Variants in DAPK1 observed in about 807,000 individuals in gnomAD.
DAPK1 encodes the protein death associated protein kinase 1.
A neutral mutation model predicts 144.9 loss-of-function variants in DAPK1; 56 were observed. The ratio of observed to expected loss-of-function variants is 0.39; its 90% confidence interval spans 0.31 to 0.48. The LOEUF (loss-of-function observed/expected upper bound fraction) is 0.48. Among genes scored for constraint, DAPK1 ranks in the 20% least tolerant of loss-of-function variants. DAPK1 has a pLI of 0.95. For missense variants in DAPK1, 1,454 were observed against 1,875.4 expected (o/e 0.78, Z 4.15); for synonymous variants, 690 against 749.0 (o/e 0.92, Z 1.29).
At chr9:87,532,558 T>G (rs1825733264) in intron 2 of DAPK1, among the ~76,000 whole-genome samples, 1 of 152,232 alleles carries the variant, frequency 6.6e-6, no homozygotes, top group Non-Finnish European at 1.5e-5. Flanking sequence ...TAAAATGTAT[T>G]CATTTCATGT....
chr9:87,600,408 G>A (rs7045942), intron 2 of DAPK1, among the ~76,000 whole-genome samples: 2,112 of 152,210 alleles, frequency 0.014, 57 homozygotes, highest in African/African-American at 0.047. Context: ...GCAACAGAGC[G>A]AGACTCTATC....
intron 3 of DAPK1, chr9:87,632,955 A>G (rs1400536999): frequency 1.0e-6 from 1 of 966,444 alleles, no homozygotes; most frequent in African/African-American, 1.8e-5. Context: ...CGTAGGGATG[A>G]AGGAGGATGA....
In DAPK1 at chr9:87,697,128, C is replaced by T. The variant is rs1259923246; in HGVS notation, c.2535C>T (p.Pro845=). The change falls in exon 22 of 26, where the codon CCC becomes CCT. Residue 845 remains proline (P), a synonymous_variant. Transcript: ENST00000408954. ...IHVVVFSLEE[P]YEIQLNQVIF... is the part of the protein sequence containing the mutation. ...TTGTTGTCTTTAGTCTAGAAGAGCC[C>T]TATGAGATCCAGCTGAACCAAGTGA... 3 of 1,569,562 alleles carry T rather than the reference C, an allele frequency of 1.9e-6. No individual in the cohort carries two copies. The highest frequency in any genetic ancestry group is 3.3e-5 in the Admixed American group (2 of 59,956).
Position 87,686,920 on chromosome 9 carries a change from A to G in DAPK1, c.2413+181A>G. On this transcript the variant is annotated intron_variant, in intron 21 of 25. Coordinates refer to ENST00000408954, the MANE Select transcript of DAPK1 (RefSeq NM_004938.4). The surrounding 1 kb of genome is among the most constrained non-coding windows in gnomAD (Gnocchi z 4.2). ...GCTGGCTACCATCCCTAAACAGTGA[A>G]ATTAAACACTGGGGTATTGTCAGCG... is the stretch of plus-strand genomic sequence containing the variant. 1.1e-6 allele frequency: 1 copy of G among 915,180 alleles called. No homozygotes were observed. Among genetic ancestry groups the G allele is most frequent in the Non-Finnish European group, 1.3e-6 (1 of 765,806 alleles). 56.7% of individuals were successfully genotyped at this position (915,180 alleles called of 1,614,324 possible).
At chr9:87,580,250 A>AT (rs1827704758) in intron 2 of DAPK1, among the ~76,000 whole-genome samples, 1 of 152,080 alleles carries the variant, frequency 6.6e-6, no homozygotes, top group Non-Finnish European at 1.5e-5. Context: ...TTCAGTTCCT[A>AT]TTTTTAAAAA....
intron 1 of DAPK1, 33 bp from the exon 2 acceptor site, chr9:87,498,937 C>G (rs1824292113): frequency 1.6e-6 from 1 of 631,096 alleles, no homozygotes; most frequent in African/African-American, 1.8e-5. Context: ...TGCCATTTTA[C>G]TATTATTATT....
intron 9 of DAPK1, 80 bp downstream of exon 9, chr9:87,640,927 G>C: frequency 3.0e-6 from 4 of 1,350,986 alleles, no homozygotes; most frequent in Non-Finnish European, 4.3e-6. Context: ...GTATCATAGA[G>C]TACTGCTAAC....
At chr9:87,528,871 CAAAA>C (rs34492541) in intron 2 of DAPK1, among the ~76,000 whole-genome samples, 2 of 104,910 alleles carry the variant, frequency 1.9e-5, no homozygotes, top group Admixed American at 2.1e-4. Flanking sequence ...GACTCCATCT[CAAAA>C]AAAAAAAAAA....
chr9:87,573,727 C>G (rs141125417), intron 2 of DAPK1, among the ~76,000 whole-genome samples: 1 of 152,166 alleles, frequency 6.6e-6, no homozygotes, highest in African/African-American at 2.4e-5. Context: ...TCCAATACTC[C>G]AAGTGTCCAG....
chr9:87,676,090 A>G (rs1396472925), intron 19 of DAPK1, among the ~76,000 whole-genome samples: 1 of 152,142 alleles, frequency 6.6e-6, no homozygotes, highest in East Asian at 1.9e-4. Context: ...AGCACTTCAA[A>G]CCATGAGCCA....
In DAPK1 at chr9:87,499,171, G is replaced by A; in HGVS notation, c.62+32G>A. On this transcript the variant is annotated intron_variant, in intron 2 of 25. Transcript: ENST00000408954. ...GGGGTACCAGAAGCGTACCCTCCTG[G>A]ATTGTGGAAATGCATAACGATGGGG... The A allele has an allele frequency of 1.3e-6, 2 of 1,588,398 alleles. 1 individual carries two copies. Among genetic ancestry groups the A allele is most frequent in the South Asian group, 2.2e-5 (2 of 90,596 alleles).
At chr9:87,675,681 T>C (rs1564064290) in intron 19 of DAPK1, among the ~76,000 whole-genome samples, 1 of 151,812 alleles carries the variant, frequency 6.6e-6, no homozygotes, top group African/African-American at 2.4e-5. Flanking sequence ...AGGGACCTGA[T>C]AGGAGGTGAT....
chr9:87,589,385 T>C (rs1828048130), intron 2 of DAPK1, among the ~76,000 whole-genome samples: 1 of 152,086 alleles, frequency 6.6e-6, no homozygotes, highest in East Asian at 1.9e-4. Flanking sequence ...TGTCCTCCCT[T>C]GACTGTCATG....
intron 18 of DAPK1, among the ~76,000 whole-genome samples, chr9:87,659,467 G>T (rs1383392170): frequency 2.0e-5 from 3 of 152,180 alleles, no homozygotes; most frequent in Non-Finnish European, 4.4e-5. Flanking sequence ...TCAAGACGAA[G>T]AAATATTTTT....
At chr9:87,633,075 A>G (rs771790192) in intron 3 of DAPK1, 56 of 975,802 alleles carry the variant, frequency 5.7e-5, no homozygotes, top group Non-Finnish European at 6.8e-5. Context: ...AGGAAGATGA[A>G]TATATATGTA....
chr9:87,510,134 A>C (rs923723230), intron 2 of DAPK1, among the ~76,000 whole-genome samples: 1 of 152,174 alleles, frequency 6.6e-6, no homozygotes, highest in African/African-American at 2.4e-5. Flanking sequence ...ACAGGATGAA[A>C]CGTTGTCAGT....
At chr9:87,649,549 TA>T (rs1475832796) in intron 15 of DAPK1, among the ~76,000 whole-genome samples, 2 of 152,182 alleles carry the variant, frequency 1.3e-5, no homozygotes, top group Non-Finnish European at 1.5e-5. Context: ...GCGAGGCACT[TA>T]TTAGAAAGAT....
Position 87,646,523 on chromosome 9 carries a change from C to T in DAPK1, c.1194C>T (p.Leu398=), listed in dbSNP as rs777167739. 4 of 1,613,648 alleles carry T rather than the reference C, an allele frequency of 2.5e-6. No individual in the cohort carries two copies. Among genetic ancestry groups the T allele is most frequent in the Non-Finnish European group, 3.4e-6 (4 of 1,179,708 alleles). Residue 398 remains leucine, a synonymous_variant, in exon 13 of 26, where the codon CTC becomes CTT. Coordinates refer to ENST00000408954, the MANE Select transcript of DAPK1 (RefSeq NM_004938.4). ...GCGNIQILQL[L]IKRGSRIDVQ... is the part of the protein sequence containing the mutation. ...GGAATATTCAAATACTACAGTTGCT[C>T]ATTAAAAGAGGCTCGAGAATCGATG...
In DAPK1 at chr9:87,502,901, C is replaced by T. The variant is rs1824458585; in HGVS notation, c.62+3762C>T. ...TGTGCAGGGTTTCATAGACTTCCTG[C>T]AAATTGGTATCTATGATCAATATTG... On this transcript the variant is annotated intron_variant, in intron 2 of 25. Transcript: ENST00000408954. 2.0e-5 allele frequency among the ~76,000 whole-genome samples: 3 copies of T among 152,132 alleles called. No homozygotes were observed. In the East Asian group the frequency reaches 5.8e-4, roughly 29 times the overall value.
Sources: gnomAD v4.1 joint callset for allele counts (sites outside exome capture counted in the v4.1 genomes callset) on GRCh38, gnomAD v4.1.1 for gene constraint, Gnocchi (gnomAD v3.1) non-coding constraint, MANE v1.5 for transcripts, NCBI Gene and HGNC (gene_info 2026-07-23, HGNC 2026-07-21) for gene names.